BIN3: variants seen among roughly 807,000 people sequenced by gnomAD.
BIN3 encodes the protein bridging integrator 3.
A neutral mutation model predicts 38.2 loss-of-function variants in BIN3; 41 were observed. The ratio of observed to expected loss-of-function variants is 1.07; its 90% CI spans 0.84 to 1.39. The LOEUF (loss-of-function observed/expected upper bound fraction) is 1.39. Among genes scored for constraint, BIN3 ranks in the 40% most tolerant of loss-of-function variants. BIN3 has a pLI of 0.00. For synonymous variants in BIN3, 145 were observed against 122.6 expected (o/e 1.18, Z -1.21); for missense variants, 361 against 324.3 (o/e 1.11, Z -0.87).
chr8:22,665,621 GCAGAAGGGACAGTTATC>G (rs573342531), intron 1 of BIN3, among the ~76,000 whole-genome samples: 101 of 152,298 alleles, frequency 6.6e-4, no homozygotes, highest in Non-Finnish European at 1.1e-3. Flanking sequence ...AACATTTCAG[GCAGAAGGGACAGTTATC>G]CAGAGGCACA....
intron 1 of BIN3, among the ~76,000 whole-genome samples, chr8:22,647,997 T>TGGTGGCGGGCA (rs1389932413): frequency 6.6e-6 from 1 of 151,706 alleles, no homozygotes; most frequent in African/African-American, 2.4e-5. Context: ...TAGCTGGGCA[T>TGGTGGCGGGCA]GGTGGCGGGC....
Position 22,658,222 on chromosome 8 carries a change from A to G in BIN3, c.8+10822T>C, listed in dbSNP as rs1448956791. On this transcript the variant is annotated intron_variant, in intron 1 of 8. Coordinates refer to ENST00000276416, the MANE Select transcript of BIN3 (RefSeq NM_018688.6). ...GTCTCAGCAACAAAATGGAGAAAAC[A>G]TTTCTTTCAACCCTCCTCTTCTCCA... Among the ~76,000 whole-genome samples the G allele has an allele frequency of 2.0e-5, 3 of 152,102 alleles. No homozygotes were observed. The East Asian group carries it at 5.8e-4, about 29-fold the overall frequency.
chr8:22,668,922 C>A, intron 1 of BIN3, 122 bp downstream of exon 1: 1 of 1,331,670 alleles, frequency 7.5e-7, no homozygotes, highest in South Asian at 1.3e-5. Flanking sequence ...GGCTGTCGGG[C>A]CTTGCTCTGG....
intron 6 of BIN3, among the ~76,000 whole-genome samples, chr8:22,629,276 G>C (rs951605118): frequency 1.3e-5 from 2 of 152,182 alleles, no homozygotes; most frequent in African/African-American, 4.8e-5. Flanking sequence ...GCAGCTGGGC[G>C]AACAGGAGCT....
rs970483802 is a variant in BIN3 at position 22,636,776 on chromosome 8, G to A, written c.98+146C>T. On this transcript the variant is annotated intron_variant, in intron 3 of 8. Transcript: ENST00000276416. ...TGACTCTCACATGGCCATTGCCAGG[G>A]AACAGTTCCAGCAGCCTGGTGACCT... The A allele has an allele frequency of 8.5e-6, 9 of 1,056,286 alleles. No individual in the cohort carries two copies. In the Admixed American group the frequency reaches 1.6e-4, roughly 19 times the overall value. The allele number at this position is 1,056,286 out of a possible 1,614,324, so 65.4% of individuals were successfully genotyped here.
chr8:22,654,915 A>G (rs1391424310), intron 1 of BIN3, among the ~76,000 whole-genome samples: 1 of 152,232 alleles, frequency 6.6e-6, no homozygotes. Context: ...TGTTTTCCAA[A>G]GTAATTGTAT....
chr8:22,663,145 CA>C (rs2117602472), intron 1 of BIN3, among the ~76,000 whole-genome samples: 1 of 151,548 alleles, frequency 6.6e-6, no homozygotes, highest in East Asian at 1.9e-4. Context: ...TGAACAAGAA[CA>C]TAATAGAAAA....
rs370125935 is a variant in BIN3, at chr8:22,623,319, G to A, written c.615+596C>T. Reference sequence around the variant, plus strand: ...GTGTCCTCCCGTCCCCGAGTGGAAGGAGACGCTGGGGCCTGGCCCGTGTCT... The same window carrying A: ...GTGTCCTCCCGTCCCCGAGTGGAAGAAGACGCTGGGGCCTGGCCCGTGTCT... On this transcript the variant is annotated intron_variant, in intron 8 of 8. Coordinates refer to ENST00000276416, the MANE Select transcript of BIN3 (RefSeq NM_018688.6). Among the ~76,000 whole-genome samples the A allele has an allele frequency of 1.5e-4, 23 of 152,330 alleles. No individual in the cohort carries two copies. The East Asian group carries it at 1.7e-3, about 12-fold the overall frequency.
chr8:22,649,508 C>T (rs952670652), intron 1 of BIN3, among the ~76,000 whole-genome samples: 27 of 152,000 alleles, frequency 1.8e-4, no homozygotes, highest in Non-Finnish European at 3.2e-4. Context: ...AGGGAAAAAC[C>T]CAGCCACGAT....
chr8:22,634,643 G>A (rs760958298), intron 4 of BIN3: 4 of 420,938 alleles, frequency 9.5e-6, no homozygotes, highest in Non-Finnish European at 1.9e-5. Context: ...ACCCGTAGGT[G>A]CCCACTGCCC....
intron 4 of BIN3, among the ~76,000 whole-genome samples, chr8:22,635,196 G>C (rs1029672614): frequency 6.6e-6 from 1 of 152,074 alleles, no homozygotes; most frequent in African/African-American, 2.4e-5. Flanking sequence ...ACGTCCCCAC[G>C]AAGGCCTCCC....
intron 1 of BIN3, among the ~76,000 whole-genome samples, chr8:22,660,169 C>T (rs570285967): frequency 6.5e-4 from 99 of 152,350 alleles, no homozygotes; most frequent in Non-Finnish European, 1.2e-3. Flanking sequence ...GAGAGGAAGG[C>T]AGGCAACTCA....
At chr8:22,651,656 G>A (rs1398112966) in intron 1 of BIN3, among the ~76,000 whole-genome samples, 1 of 152,184 alleles carries the variant, frequency 6.6e-6, no homozygotes, top group Non-Finnish European at 1.5e-5. Flanking sequence ...CAGTACTGCT[G>A]CTGTGGGAAA....
chr8:22,658,624 T>A (rs1475631926), intron 1 of BIN3, among the ~76,000 whole-genome samples: 4 of 152,204 alleles, frequency 2.6e-5, no homozygotes. Flanking sequence ...CCCAGAACCC[T>A]AAACCTGCTT....
At chr8:22,664,654 A>C (rs1803354367) in intron 1 of BIN3, among the ~76,000 whole-genome samples, 1 of 152,262 alleles carries the variant, frequency 6.6e-6, no homozygotes, top group African/African-American at 2.4e-5. Context: ...CTACTCTTCT[A>C]ATATTCCTGA....
intron 1 of BIN3, among the ~76,000 whole-genome samples, chr8:22,656,187 T>C (rs1362905285): frequency 6.6e-6 from 1 of 151,804 alleles, no homozygotes; most frequent in Non-Finnish European, 1.5e-5. Flanking sequence ...TTTCTTTTCA[T>C]TCATTCAAGC....
At chr8:22,633,610 G>A (rs1802278347) in intron 4 of BIN3, among the ~76,000 whole-genome samples, 1 of 152,236 alleles carries the variant, frequency 6.6e-6, no homozygotes, top group Admixed American at 6.5e-5. Flanking sequence ...TTTCCACCTT[G>A]CTGGGGGAGC....
At chr8:22,625,104 G>T in intron 6 of BIN3, 1 of 474,388 alleles carries the variant, frequency 2.1e-6, no homozygotes. Context: ...GACCTCCACT[G>T]TGACTAGAAG....
At chr8:22,645,389 G>C (rs1251486613) in intron 1 of BIN3, among the ~76,000 whole-genome samples, 2 of 152,100 alleles carry the variant, frequency 1.3e-5, no homozygotes, top group Admixed American at 1.3e-4. Flanking sequence ...GGCTGAAGCA[G>C]GAGGATCACT....
Sources: allele counts gnomAD v4.1 joint callset (sites outside exome capture counted in the v4.1 genomes callset), GRCh38; gene constraint gnomAD v4.1.1; transcripts MANE v1.5; gene names NCBI Gene and HGNC (gene_info 2026-07-23, HGNC 2026-07-21).